Variants in CFAP299 observed in about 807,000 individuals in gnomAD.
CFAP299 encodes the protein cilia- and flagella-associated protein 299.
CFAP299 carries 21 observed loss-of-function variants against 27.0 expected under a neutral mutation model. The observed-to-expected ratio is 0.78, with a 90% CI of 0.55 to 1.12. The LOEUF (loss-of-function observed/expected upper bound fraction) is 1.12, where lower values mean the gene tolerates loss of function less well. CFAP299 is among the 50% of genes most tolerant of loss of function. The probability of loss-of-function intolerance (pLI) is 0.00; values close to 1 mark genes in which losing one functional copy is unlikely to be tolerated. For missense variants in CFAP299, 310 were observed against 276.6 expected (o/e 1.12, Z -0.86); for synonymous variants, 104 against 98.1 (o/e 1.06, Z -0.36).
Position 80,878,331 on chromosome 4 carries a change from C to T in CFAP299, c.476+8196C>T, listed in dbSNP as rs183302088. On this transcript the variant is annotated intron_variant, in intron 4 of 5. Transcript: ENST00000358105. ...CCTTGTGGTAATATCTGACTCATTT[C>T]TCTTATCTGTGTATTTTCTTTATAC... Among the ~76,000 whole-genome samples, 118 of 152,132 alleles carry T rather than the reference C, an allele frequency of 7.8e-4. 1 individual carries two copies. The highest frequency in any genetic ancestry group is 2.7e-3 in the African/African-American group (114 of 41,550).
At chr4:80,583,917 T>C (rs1198522418) in intron 3 of CFAP299, among the ~76,000 whole-genome samples, 1 of 151,856 alleles carries the variant, frequency 6.6e-6, no homozygotes, top group Non-Finnish European at 1.5e-5. Context: ...CAGAAAAATA[T>C]GTATATAAGG....
chr4:80,644,706 A>T (rs941649961), intron 3 of CFAP299, among the ~76,000 whole-genome samples: 2 of 152,154 alleles, frequency 1.3e-5, no homozygotes, highest in African/African-American at 2.4e-5. Context: ...TTCCTTGAGT[A>T]GATTTTTGCA....
chr4:80,521,219 C>G (rs1732895535), intron 2 of CFAP299, among the ~76,000 whole-genome samples: 1 of 152,070 alleles, frequency 6.6e-6, no homozygotes, highest in Non-Finnish European at 1.5e-5. Context: ...ATATATTGTT[C>G]TAAGTAAGAC....
At chr4:80,362,280 G>A (rs887207998) in intron 1 of CFAP299, among the ~76,000 whole-genome samples, 7 of 151,280 alleles carry the variant, frequency 4.6e-5, no homozygotes, top group African/African-American at 1.7e-4. Flanking sequence ...CTGTGCCATC[G>A]GTTAATTGAC....
intron 5 of CFAP299, among the ~76,000 whole-genome samples, chr4:80,949,718 C>G (rs1737672461): frequency 6.6e-6 from 1 of 151,988 alleles, no homozygotes; most frequent in Non-Finnish European, 1.5e-5. Flanking sequence ...CCAAATAGTT[C>G]AATTTGGCTT....
chr4:80,685,628 T>TG lies in CFAP299; in HGVS notation c.333+102451dup, dbSNP rs1186301012. Among the ~76,000 whole-genome samples, 4 of 97,430 alleles carry TG rather than the reference T, an allele frequency of 4.1e-5. No individual in the cohort carries two copies. The South Asian group carries it at 1.3e-3, about 32-fold the overall frequency. The allele number at this position is 97,430 out of a possible 152,430, so 63.9% of individuals were successfully genotyped here. On this transcript the variant is annotated intron_variant, in intron 3 of 5. Transcript: ENST00000358105. ...CACAGTGGAATGGTTGTGTGTGGGG[T>TG]GGGGGGTGGGTGAGAGAGAGCAAAT...
At chr4:80,428,865 C>T (rs1351962049) in intron 2 of CFAP299, among the ~76,000 whole-genome samples, 2 of 152,114 alleles carry the variant, frequency 1.3e-5, no homozygotes, top group African/African-American at 4.8e-5. Flanking sequence ...AAAATGAAAA[C>T]ATGAATAGAG....
At chr4:80,895,450 A>G (rs1162061108) in intron 4 of CFAP299, among the ~76,000 whole-genome samples, 1 of 152,038 alleles carries the variant, frequency 6.6e-6, no homozygotes, top group Non-Finnish European at 1.5e-5. Flanking sequence ...AATAAGCACA[A>G]GATTAGAAAT....
chr4:80,681,525 G>A (rs1183185656), intron 3 of CFAP299, among the ~76,000 whole-genome samples: 1 of 152,090 alleles, frequency 6.6e-6, no homozygotes, highest in Non-Finnish European at 1.5e-5. Context: ...GGCATGAGAG[G>A]ACATTTCTAC....
rs564329162 is a variant in CFAP299 at position 80,585,622 on chromosome 4, A to G, written c.333+2439A>G. On this transcript the variant is annotated intron_variant, in intron 3 of 5. Transcript: ENST00000358105. ...TGTGCTCAGTAGTGTGGACAGAGCT[A>G]CTGAGATGAAGGTGATGAATGTCCT... is the stretch of plus-strand genomic sequence containing the variant. Among the ~76,000 whole-genome samples, 9 of 152,286 alleles carry G rather than the reference A, an allele frequency of 5.9e-5. 1 individual carries two copies. The highest frequency in any genetic ancestry group is 5.2e-4 in the Admixed American group (8 of 15,288).
At chr4:80,397,694 A>G (rs541736828) in intron 2 of CFAP299, among the ~76,000 whole-genome samples, 3 of 152,292 alleles carry the variant, frequency 2.0e-5, no homozygotes, top group Admixed American at 1.3e-4. Flanking sequence ...TCTCAAAATA[A>G]TAAGAGCTAT....
At chr4:80,488,723 A>G (rs898502912) in intron 2 of CFAP299, among the ~76,000 whole-genome samples, 11 of 152,074 alleles carry the variant, frequency 7.2e-5, no homozygotes, top group Admixed American at 3.9e-4. Context: ...TGATCCGCCC[A>G]CCTTGGCCTC....
At chr4:80,492,138 C>T (rs919364370) in intron 2 of CFAP299, among the ~76,000 whole-genome samples, 5 of 152,124 alleles carry the variant, frequency 3.3e-5, no homozygotes, top group East Asian at 1.9e-4. Context: ...GGAAGCCTCC[C>T]GACTTTGAGT....
At chr4:80,641,051 C>T (rs1200619033) in intron 3 of CFAP299, among the ~76,000 whole-genome samples, 1 of 152,058 alleles carries the variant, frequency 6.6e-6, no homozygotes, top group Non-Finnish European at 1.5e-5. Flanking sequence ...ATAACTTTAT[C>T]TTATGGGGTA....
At chr4:80,737,170 G>A (rs1170966033) in intron 3 of CFAP299, among the ~76,000 whole-genome samples, 2 of 147,956 alleles carry the variant, frequency 1.4e-5, no homozygotes. Flanking sequence ...TTGTGGGTTG[G>A]GGGGAGGGGG....
At chr4:80,627,489 G>A (rs1051921061) in intron 3 of CFAP299, among the ~76,000 whole-genome samples, 1 of 151,906 alleles carries the variant, frequency 6.6e-6, no homozygotes, top group African/African-American at 2.4e-5. Flanking sequence ...GTGCTAGCCA[G>A]AGCAATTAGG....
intron 4 of CFAP299, among the ~76,000 whole-genome samples, chr4:80,944,107 T>C (rs1019116275): frequency 8.1e-5 from 12 of 148,228 alleles, no homozygotes; most frequent in African/African-American, 2.8e-4. Context: ...AATAAATAAA[T>C]AATACTTGAA....
chr4:80,620,164 A>G (rs1217185640), intron 3 of CFAP299, among the ~76,000 whole-genome samples: 2 of 152,152 alleles, frequency 1.3e-5, no homozygotes, highest in Admixed American at 1.3e-4. Context: ...ATCAGCACAC[A>G]CTTGATTCAA....
At chr4:80,853,971 A>C (rs949085071) in intron 3 of CFAP299, among the ~76,000 whole-genome samples, 6 of 152,204 alleles carry the variant, frequency 3.9e-5, no homozygotes, top group African/African-American at 1.4e-4. Context: ...AAAAGTGATA[A>C]TTAAGTAAAT....
Sources: gnomAD v4.1 joint callset for allele counts (sites outside exome capture counted in the v4.1 genomes callset) on GRCh38, gnomAD v4.1.1 for gene constraint, MANE v1.5 for transcripts, NCBI Gene and HGNC (gene_info 2026-07-23, HGNC 2026-07-21) for gene names.